The following ZNF33B variants were observed in gnomAD, a reference collection of about 807,000 sequenced individuals.
ZNF33B encodes zinc finger protein 33B.
ZNF33B carries 29 observed loss-of-function variants against 45.8 expected under a neutral mutation model. The ratio of observed to expected loss-of-function variants is 0.63; its 90% CI spans 0.47 to 0.86. The LOEUF (loss-of-function observed/expected upper bound fraction) is 0.86. ZNF33B is among the 40% of genes least tolerant of loss of function. The probability of loss-of-function intolerance (pLI) is 0.00; values close to 1 mark genes in which losing one functional copy is unlikely to be tolerated. For missense variants in ZNF33B, 831 were observed against 909.9 expected, an observed-to-expected ratio of 0.91 and a Z score of 1.12; for synonymous variants, 305 against 307.8, an observed-to-expected ratio of 0.99 and a Z score of 0.10.
rs1286489658 is a variant in ZNF33B, at chr10:42,592,633, C to G, written c.2317G>C (p.Gly773Arg). ...NLIVHQRTHI[G>R]EKPYE ...CCAATTCATTCATAAGGTTTTTCTC[C>G]TATGTGTGTTCTCTGATGTACAATG... The change falls in exon 5 of 5, where the codon GGA becomes CGA. Residue 773 changes from glycine (G) to arginine (R), a missense_variant. Transcript: ENST00000359467. The G allele has an allele frequency of 1.9e-6, 3 of 1,613,094 alleles. No individual in the cohort carries two copies. Among genetic ancestry groups the G allele is most frequent in the Non-Finnish European group, 8.5e-7 (1 of 1,179,602 alleles).
intron 1 of ZNF33B, chr10:42,583,115 C>T (rs772122023): frequency 1.3e-6 from 1 of 780,558 alleles, no homozygotes; most frequent in Non-Finnish European, 2.3e-6. Context: ...GCATGAACAC[C>T]TCAGGGGCCT....
At chr10:42,618,035 A>T (rs998212189) in intron 4 of ZNF33B, among the ~76,000 whole-genome samples, 1 of 152,104 alleles carries the variant, frequency 6.6e-6, no homozygotes, top group Non-Finnish European at 1.5e-5. Context: ...CTCAATCCAC[A>T]TTTAGACCTG....
intron 4 of ZNF33B, among the ~76,000 whole-genome samples, chr10:42,595,347 GA>G (rs1248485972): frequency 1.3e-5 from 2 of 152,182 alleles, no homozygotes; most frequent in African/African-American, 2.4e-5. Flanking sequence ...GGAAATCCAA[GA>G]GAAGAGACTT....
rs575809633 is a variant in ZNF33B, at chr10:42,606,358, G to A, written c.251-11659C>T. Among the ~76,000 whole-genome samples the A allele has an allele frequency of 1.0e-3, 156 of 151,998 alleles. No individual in the cohort carries two copies. In the Middle Eastern group the frequency reaches 0.01, roughly 10 times the overall value. On this transcript the variant is annotated intron_variant, in intron 4 of 4. Coordinates refer to ENST00000359467, the MANE Select transcript of ZNF33B (RefSeq NM_006955.3). ...CGCATGCCTGTAATCCTAGCAACTC[G>A]GGAGGCTGAGACAGAAGAATCACTT...
intron 4 of ZNF33B, among the ~76,000 whole-genome samples, chr10:42,628,460 A>T (rs1838912009): frequency 6.6e-6 from 1 of 152,246 alleles, no homozygotes; most frequent in Admixed American, 6.5e-5. Context: ...TACAATTAAA[A>T]TGTGCTTTTC....
chr10:42,598,524 C>T lies in ZNF33B; in HGVS notation c.251-3825G>A, dbSNP rs117988863. Among the ~76,000 whole-genome samples the T allele has an allele frequency of 5.4e-3, 830 of 152,334 alleles. 31 individuals carry two copies. In the East Asian group the frequency reaches 0.085, roughly 16 times the overall value. On this transcript the variant is annotated intron_variant, in intron 4 of 4. Coordinates refer to ENST00000359467, the MANE Select transcript of ZNF33B (RefSeq NM_006955.3). ...ATCCTGTCTACTTGCACACATAGTC[C>T]AGTGTCCATCAGACTTCACATACAA...
chr10:42,595,621 T>C (rs1034553175), intron 4 of ZNF33B, among the ~76,000 whole-genome samples: 2 of 152,006 alleles, frequency 1.3e-5, no homozygotes, highest in Non-Finnish European at 2.9e-5. Context: ...GTCATAAGGG[T>C]AAGACTAATA....
intron 4 of ZNF33B, among the ~76,000 whole-genome samples, chr10:42,603,403 CA>C (rs1172924161): frequency 2.0e-5 from 3 of 152,080 alleles, no homozygotes; most frequent in Non-Finnish European, 4.4e-5. Context: ...ATGACAGCAA[CA>C]AGCTAAACCA....
intron 4 of ZNF33B, among the ~76,000 whole-genome samples, chr10:42,621,598 A>G (rs1325832819): frequency 6.6e-6 from 1 of 152,154 alleles, no homozygotes. Flanking sequence ...AAAACAAGTA[A>G]AAAAAGGACA....
At position 42,617,421 on chromosome 10, in the gene ZNF33B, T is replaced by C. The variant is rs1312567691; in HGVS notation, c.250+14508A>G. ...ACCCAGCCTGGAGGCAATTCTTGAA[T>C]TGACATGCAGCTGGAAGAAATAATG... On this transcript the variant is annotated intron_variant, in intron 4 of 4. Transcript: ENST00000359467. 3.3e-5 allele frequency among the ~76,000 whole-genome samples: 5 copies of C among 152,224 alleles called. No individual in the cohort carries two copies. In the Middle Eastern group the frequency reaches 0.01, roughly 311 times the overall value.
At chr10:42,607,788 G>A (rs924212993) in intron 4 of ZNF33B, among the ~76,000 whole-genome samples, 1 of 151,962 alleles carries the variant, frequency 6.6e-6, no homozygotes, top group Non-Finnish European at 1.5e-5. Context: ...AAATACAAAG[G>A]GGTTTCAAAC....
At chr10:42,626,854 G>C (rs772462859) in intron 4 of ZNF33B, among the ~76,000 whole-genome samples, 1 of 151,828 alleles carries the variant, frequency 6.6e-6, no homozygotes, top group Non-Finnish European at 1.5e-5. Context: ...GTTTTTTGGA[G>C]GTTTTTTATT....
At chr10:42,604,864 C>T (rs114042456) in intron 4 of ZNF33B, among the ~76,000 whole-genome samples, 2,577 of 150,382 alleles carry the variant, frequency 0.017, 78 homozygotes, top group African/African-American at 0.06. Context: ...GAGGTTGCAG[C>T]GAGATGAGAT....
Position 42,593,848 on chromosome 10 carries a change from C to G in ZNF33B, c.1102G>C (p.Glu368Gln), listed in dbSNP as rs761247656. 1.1e-5 allele frequency: 18 copies of G among 1,614,044 alleles called. No individual in the cohort carries two copies. The highest frequency in any genetic ancestry group is 1.5e-5 in the Non-Finnish European group (18 of 1,179,958). ...QCNQCGKTFW[E>Q]KSNLTKHQRS... ...TGATGTTTAGTGAGGTTTGACTTCT[C>G]CCAGAAAGTTTTTCCACATTGATTA... The change falls in exon 5 of 5, where the codon GAG becomes CAG. Residue 368 changes from glutamate (E) to glutamine (Q), a missense_variant. By Grantham distance (29) the Glu-to-Gln change is conservative. Coordinates refer to ENST00000359467, the MANE Select transcript of ZNF33B (RefSeq NM_006955.3).
intron 4 of ZNF33B, among the ~76,000 whole-genome samples, chr10:42,624,174 C>T (rs1178724143): frequency 6.6e-6 from 1 of 152,176 alleles, no homozygotes; most frequent in Non-Finnish European, 1.5e-5. Context: ...CTAACCTCAT[C>T]GTGAGGGCCC....
intron 1 of ZNF33B, chr10:42,582,152 C>A (rs1836839769): frequency 6.6e-6 from 1 of 152,186 alleles, no homozygotes; most frequent in African/African-American, 2.4e-5. Flanking sequence ...CCTCTATGCC[C>A]TCCAGTAAGA....
intron 2 of ZNF33B, among the ~76,000 whole-genome samples, chr10:42,634,783 AAG>A (rs1275145492): frequency 6.6e-6 from 1 of 152,254 alleles, no homozygotes; most frequent in East Asian, 1.9e-4. Flanking sequence ...ATTCCAATGA[AAG>A]AGAGGTAAAT....
At chr10:42,622,591 T>A (rs1463945506) in intron 4 of ZNF33B, among the ~76,000 whole-genome samples, 3 of 152,160 alleles carry the variant, frequency 2.0e-5, no homozygotes, top group African/African-American at 7.2e-5. Flanking sequence ...AGAAAAGCCT[T>A]TTCTTTCAGT....
intron 1 of ZNF33B, among the ~76,000 whole-genome samples, chr10:42,576,655 C>T (rs1185820271): frequency 4.6e-5 from 7 of 152,260 alleles, no homozygotes; most frequent in Non-Finnish European, 1.0e-4. Flanking sequence ...ATTCTGATTC[C>T]GTGGGTCTGG....
Sources: gnomAD v4.1 joint callset for allele counts (sites outside exome capture counted in the v4.1 genomes callset) on GRCh38, gnomAD v4.1.1 for gene constraint, MANE v1.5 for transcripts, NCBI Gene and HGNC (gene_info 2026-07-23, HGNC 2026-07-21) for gene names.